OTUD7A: variants seen among roughly 807,000 people sequenced by gnomAD.
The protein encoded by OTUD7A is OTU deubiquitinase 7A.
A neutral mutation model predicts 65.7 loss-of-function variants in OTUD7A; 12 were observed. That is an observed-to-expected ratio of 0.18 (90% CI 0.12 to 0.30). The LOEUF (loss-of-function observed/expected upper bound fraction) is 0.30, where lower values mean the gene tolerates loss of function less well. Ranked by LOEUF, OTUD7A falls within the 10% of genes least tolerant of loss-of-function variation. OTUD7A has a pLI of 1.00. For synonymous variants in OTUD7A, 641 were observed against 586.3 expected (o/e 1.09, Z -1.35); for missense variants, 1,148 against 1,304.8 (o/e 0.88, Z 1.85).
rs921173210 is a variant in OTUD7A at position 31,832,612 on chromosome 15, C to G, written c.-100+37895G>C. Among the ~76,000 whole-genome samples the G allele has an allele frequency of 7.2e-5, 11 of 152,262 alleles. No individual in the cohort carries two copies. In the South Asian group the frequency reaches 1.2e-3, roughly 17 times the overall value. ...ATTAAACAACAGCTCCACATTACCCCCCTCATCCCTCGTCGCCCACAATTG... is the reference window on the plus strand; with the variant it reads ...ATTAAACAACAGCTCCACATTACCCGCCTCATCCCTCGTCGCCCACAATTG... On this transcript the variant is annotated intron_variant, in intron 1 of 12. Transcript: ENST00000307050.
intron 1 of OTUD7A, among the ~76,000 whole-genome samples, chr15:31,742,349 G>A (rs1894365238): frequency 6.6e-6 from 1 of 151,974 alleles, no homozygotes; most frequent in South Asian, 2.1e-4. Flanking sequence ...AGGAATGCAA[G>A]GATGGTTTAA....
intron 1 of OTUD7A, among the ~76,000 whole-genome samples, chr15:31,771,642 G>C (rs1310736162): frequency 6.6e-6 from 1 of 152,096 alleles, no homozygotes; most frequent in Non-Finnish European, 1.5e-5. Flanking sequence ...TGGTTAACTA[G>C]AACCTTATCT....
In OTUD7A at chr15:31,544,709, A is replaced by G. The variant is rs374270707; in HGVS notation, c.551-13901T>C. On this transcript the variant is annotated intron_variant, in intron 5 of 12. Transcript: ENST00000307050. ...AACACAATCATAGTAGGAGATCTTA[A>G]CACACCCTGTTCAATAGCTGGTAGA... 5.9e-5 allele frequency among the ~76,000 whole-genome samples: 9 copies of G among 152,098 alleles called. No homozygotes were observed. The East Asian group carries it at 7.7e-4, about 13-fold the overall frequency.
chr15:31,570,815 G>A (rs1350848255), intron 3 of OTUD7A, among the ~76,000 whole-genome samples: 1 of 152,070 alleles, frequency 6.6e-6, no homozygotes, highest in South Asian at 2.1e-4. Flanking sequence ...CGGGGTGCTG[G>A]ACTGGCACTT....
At chr15:31,489,132 CAG>C (rs989603283) in intron 10 of OTUD7A, among the ~76,000 whole-genome samples, 11 of 152,048 alleles carry the variant, frequency 7.2e-5, no homozygotes, top group Admixed American at 6.5e-4. Flanking sequence ...ACTACACAAA[CAG>C]AGAAGGGGTT....
At chr15:31,601,931 A>G (rs1356426562) in intron 3 of OTUD7A, among the ~76,000 whole-genome samples, 1 of 152,242 alleles carries the variant, frequency 6.6e-6, no homozygotes. Flanking sequence ...GAATAGACCA[A>G]TAACAAGTTC....
intron 4 of OTUD7A, among the ~76,000 whole-genome samples, chr15:31,559,410 C>T (rs975225569): frequency 7.9e-5 from 12 of 152,174 alleles, no homozygotes; most frequent in Non-Finnish European, 1.0e-4. Flanking sequence ...ATGGCACATG[C>T]GCACATACAT....
intron 3 of OTUD7A, among the ~76,000 whole-genome samples, chr15:31,582,176 C>T (rs1056574555): frequency 3.3e-5 from 5 of 152,192 alleles, no homozygotes; most frequent in Admixed American, 1.3e-4. Flanking sequence ...GAGTCACCTT[C>T]GCTCCAGTTA....
intron 1 of OTUD7A, chr15:31,766,628 T>A: frequency 6.2e-7 from 1 of 1,605,876 alleles, no homozygotes; most frequent in East Asian, 2.2e-5. Context: ...TTCCTTCTTG[T>A]ACTACTTGTT....
At chr15:31,493,162 GAAA>G (rs2041341461) in intron 10 of OTUD7A, among the ~76,000 whole-genome samples, 2 of 90,532 alleles carry the variant, frequency 2.2e-5, no homozygotes, top group Non-Finnish European at 5.8e-5. Context: ...AAAAAAAAAA[GAAA>G]AAGAATCCCA....
chr15:31,512,943 A>C (rs2041778701), intron 8 of OTUD7A, among the ~76,000 whole-genome samples: 1 of 152,240 alleles, frequency 6.6e-6, no homozygotes, highest in African/African-American at 2.4e-5. Flanking sequence ...ATGGGGAGGA[A>C]AGTCTTTAAA....
At chr15:31,534,918 T>C (rs1402557086) in intron 5 of OTUD7A, among the ~76,000 whole-genome samples, 1 of 152,110 alleles carries the variant, frequency 6.6e-6, no homozygotes, top group Non-Finnish European at 1.5e-5. Context: ...CCTCACTTGG[T>C]TGAAAAAAAT....
intron 5 of OTUD7A, among the ~76,000 whole-genome samples, chr15:31,540,221 T>G (rs1203762158): frequency 6.6e-6 from 1 of 152,182 alleles, no homozygotes; most frequent in African/African-American, 2.4e-5. Context: ...CAAGCAGCAT[T>G]GAAAAATCAC....
chr15:31,759,038 G>A (rs550396534), intron 1 of OTUD7A, among the ~76,000 whole-genome samples: 8 of 152,162 alleles, frequency 5.3e-5, no homozygotes, highest in East Asian at 3.9e-4. Flanking sequence ...ACCTCCTCTC[G>A]TGGGTTGTCA....
At chr15:31,515,116 G>C (rs60333545) in intron 8 of OTUD7A, among the ~76,000 whole-genome samples, 13,944 of 152,176 alleles carry the variant, frequency 0.092, 956 homozygotes, top group African/African-American at 0.18. Flanking sequence ...GTTAAAACCT[G>C]CATACTTGGA....
chr15:31,756,118 A>C (rs1050844149), intron 1 of OTUD7A, among the ~76,000 whole-genome samples: 4 of 152,210 alleles, frequency 2.6e-5, no homozygotes, highest in Non-Finnish European at 5.9e-5. Context: ...TGTGCCCAGT[A>C]ACACTTCAGC....
At chr15:31,683,515 A>T (rs1967209) in intron 1 of OTUD7A, among the ~76,000 whole-genome samples, 1 of 152,178 alleles carries the variant, frequency 6.6e-6, no homozygotes, top group Non-Finnish European at 1.5e-5. Context: ...GTTCTCACTG[A>T]CTCAGTTTTG....
At chr15:31,840,459 A>T (rs930542762) in intron 1 of OTUD7A, among the ~76,000 whole-genome samples, 2 of 152,124 alleles carry the variant, frequency 1.3e-5, no homozygotes, top group Non-Finnish European at 2.9e-5. Context: ...AATAAAAATA[A>T]AAATAAAAAA....
intron 4 of OTUD7A, among the ~76,000 whole-genome samples, chr15:31,562,210 C>A (rs1475586361): frequency 6.6e-6 from 1 of 152,152 alleles, no homozygotes; most frequent in Non-Finnish European, 1.5e-5. Flanking sequence ...CCCAGGTGAG[C>A]CAATGTTAAG....
Sources: allele counts gnomAD v4.1 joint callset (sites outside exome capture counted in the v4.1 genomes callset), GRCh38; gene constraint gnomAD v4.1.1; transcripts MANE v1.5; gene names NCBI Gene and HGNC (gene_info 2026-07-23, HGNC 2026-07-21).